Variants in MTUS2 observed in about 807,000 individuals in gnomAD.
MTUS2 encodes the protein microtubule associated scaffold protein 2, also known as microtubule-associated tumor suppressor candidate 2.
MTUS2 carries 40 observed loss-of-function variants against 114.1 expected under a neutral mutation model. The ratio of observed to expected loss-of-function variants is 0.35; its 90% confidence interval spans 0.27 to 0.46. The LOEUF is 0.46. MTUS2 is among the 20% of genes least tolerant of loss of function. MTUS2 has a pLI of 1.00. For synonymous variants in MTUS2, 688 were observed against 672.0 expected, an observed-to-expected ratio of 1.02 and a Z score of -0.37; for missense variants, 1,679 against 1,705.4, an observed-to-expected ratio of 0.98 and a Z score of 0.27.
At chr13:28,928,330 GGA>G (rs1262583766) in intron 2 of MTUS2, among the ~76,000 whole-genome samples, 2 of 152,038 alleles carry the variant, frequency 1.3e-5, no homozygotes, top group African/African-American at 4.8e-5. Context: ...CCCCAGAATG[GGA>G]GAAAATATTT....
intron 2 of MTUS2, among the ~76,000 whole-genome samples, chr13:28,908,612 G>T (rs1026036435): frequency 6.6e-6 from 1 of 151,408 alleles, no homozygotes; most frequent in Non-Finnish European, 1.5e-5. Flanking sequence ...ACATGTGCAT[G>T]TGTCTTTATA....
At chr13:29,050,978 G>C (rs1263645345) in intron 4 of MTUS2, among the ~76,000 whole-genome samples, 2 of 152,172 alleles carry the variant, frequency 1.3e-5, no homozygotes, top group Non-Finnish European at 2.9e-5. Flanking sequence ...AGATCACATG[G>C]GGCCTCCAGG....
chr13:29,260,468 C>G (rs1897429466), intron 5 of MTUS2, among the ~76,000 whole-genome samples: 1 of 152,164 alleles, frequency 6.6e-6, no homozygotes, highest in Admixed American at 6.5e-5. Context: ...GAACGCTAAG[C>G]TTGTGGGAGT....
chr13:29,131,667 A>G (rs1442141545), intron 5 of MTUS2, among the ~76,000 whole-genome samples: 1 of 152,260 alleles, frequency 6.6e-6, no homozygotes, highest in Admixed American at 6.5e-5. Context: ...GTGAAAGATG[A>G]GAGGCTGCAC....
chr13:29,389,601 A>G lies in MTUS2; in HGVS notation c.3117+30128A>G, dbSNP rs117778297. ...TGTGTATACGTATACATATGTGTGT[A>G]TACGTATACATATGTGTGTATATAT... is the stretch of plus-strand genomic sequence containing the variant. On this transcript the variant is annotated intron_variant, in intron 8 of 15. Coordinates refer to ENST00000612955, the MANE Select transcript of MTUS2 (RefSeq NM_001033602.4). Among the ~76,000 whole-genome samples the G allele has an allele frequency of 4.8e-4, 61 of 128,060 alleles. 8 individuals carry two copies. The East Asian group carries it at 0.01, about 22-fold the overall frequency. 84.0% of individuals were successfully genotyped at this position (128,060 alleles called of 152,430 possible). A position where few individuals can be genotyped will look rare whatever the true frequency, so the allele number is the denominator to read the frequency against.
chr13:29,040,617 A>C (rs183387423), intron 4 of MTUS2, among the ~76,000 whole-genome samples: 22 of 152,328 alleles, frequency 1.4e-4, no homozygotes, highest in African/African-American at 5.0e-4. Flanking sequence ...CATCCACACC[A>C]ACATCTATTA....
intron 7 of MTUS2, among the ~76,000 whole-genome samples, chr13:29,350,064 T>A (rs1354593238): frequency 6.6e-6 from 1 of 152,176 alleles, no homozygotes; most frequent in Non-Finnish European, 1.5e-5. Context: ...TTTGAGTATT[T>A]CTTCTCTCTG....
At position 29,026,420 on chromosome 13, in the gene MTUS2, T is replaced by A; in HGVS notation, c.1722T>A (p.Pro574=). 6.2e-7 allele frequency: 1 copy of A among 1,613,810 alleles called. No homozygotes were observed. Among genetic ancestry groups the A allele is most frequent in the East Asian group, 2.2e-5 (1 of 44,890 alleles). ...GGTCCCCCTTGGTAGTTCCACCCCC[T>A]ACTGATAGTGCACGCTTGTTGAACA... is the stretch of plus-strand genomic sequence containing the variant. ...DAGSPLVVPP[P]TDSARLLNTS... The change falls in exon 3 of 16, where the codon CCT becomes CCA. Residue 574 remains proline (P), a synonymous_variant. Coordinates refer to ENST00000612955, the MANE Select transcript of MTUS2 (RefSeq NM_001033602.4).
chr13:28,993,950 G>A (rs1003175609), intron 2 of MTUS2, among the ~76,000 whole-genome samples: 1 of 151,194 alleles, frequency 6.6e-6, no homozygotes, highest in Non-Finnish European at 1.5e-5. Context: ...TGTGCACAAC[G>A]TGCAGGTTTG....
At chr13:29,074,873 C>T (rs918504669) in intron 4 of MTUS2, among the ~76,000 whole-genome samples, 3 of 152,150 alleles carry the variant, frequency 2.0e-5, no homozygotes, top group African/African-American at 7.2e-5. Flanking sequence ...TCACATATTT[C>T]ACTATATATT....
chr13:29,449,390 G>A (rs894130158), intron 9 of MTUS2, among the ~76,000 whole-genome samples: 3 of 152,058 alleles, frequency 2.0e-5, no homozygotes, highest in Admixed American at 6.5e-5. Context: ...TACCATTCAT[G>A]GTTATCCAAA....
rs1876578272 is a variant in MTUS2 at position 29,426,878 on chromosome 13, T to C, written c.3118-13105T>C. On this transcript the variant is annotated intron_variant, in intron 8 of 15. Transcript: ENST00000612955. ...CTGGTTGCTTCCACGTTTTGGCTATTGTGAATAATGCTGCTATGAGCGTGG... is the reference window on the plus strand; with the variant it reads ...CTGGTTGCTTCCACGTTTTGGCTATCGTGAATAATGCTGCTATGAGCGTGG... 2.0e-5 allele frequency among the ~76,000 whole-genome samples: 3 copies of C among 152,240 alleles called. No homozygotes were observed. In the South Asian group the frequency reaches 6.2e-4, roughly 31 times the overall value.
chr13:29,257,469 G>A (rs566426933), intron 5 of MTUS2, among the ~76,000 whole-genome samples: 2 of 152,168 alleles, frequency 1.3e-5, no homozygotes, highest in East Asian at 3.8e-4. Context: ...AATGCGAAAG[G>A]CATCCCAGGT....
intron 7 of MTUS2, among the ~76,000 whole-genome samples, chr13:29,340,926 C>T (rs146757758): frequency 1.8e-3 from 277 of 152,300 alleles, no homozygotes; most frequent in African/African-American, 6.3e-3. Context: ...TAAGTTACTT[C>T]ACTTAGAATA....
At chr13:29,023,951 A>G (rs566273451) in intron 2 of MTUS2, among the ~76,000 whole-genome samples, 2 of 152,306 alleles carry the variant, frequency 1.3e-5, no homozygotes, top group Admixed American at 6.5e-5. Context: ...CATTGTAAAG[A>G]TAAAATTTTC....
At chr13:29,328,792 T>C (rs575230248) in intron 7 of MTUS2, among the ~76,000 whole-genome samples, 1 of 152,324 alleles carries the variant, frequency 6.6e-6, no homozygotes, top group East Asian at 1.9e-4. Context: ...GTCATTTTAG[T>C]CTGATGATCC....
At chr13:29,455,433 C>A (rs772382336) in intron 9 of MTUS2, among the ~76,000 whole-genome samples, 1 of 152,110 alleles carries the variant, frequency 6.6e-6, no homozygotes, top group African/African-American at 2.4e-5. Flanking sequence ...CTGAGAAAGG[C>A]CAGTCTGTAG....
intron 2 of MTUS2, among the ~76,000 whole-genome samples, chr13:29,009,350 T>TGC (rs1284181666): frequency 9.7e-6 from 1 of 102,976 alleles, no homozygotes; most frequent in Non-Finnish European, 2.1e-5. Flanking sequence ...ATATGTATTG[T>TGC]ACACTATTAA....
chr13:29,219,772 T>A (rs935638702), intron 5 of MTUS2, among the ~76,000 whole-genome samples: 2 of 152,244 alleles, frequency 1.3e-5, no homozygotes, highest in African/African-American at 2.4e-5. Context: ...ACTTTAATGT[T>A]GTGGAGGAAC....
Sources: gnomAD v4.1 joint callset for allele counts (sites outside exome capture counted in the v4.1 genomes callset) on GRCh38, gnomAD v4.1.1 for gene constraint, MANE v1.5 for transcripts, NCBI Gene and HGNC (gene_info 2026-07-23, HGNC 2026-07-21) for gene names.